Variants in RUNX2 observed in about 807,000 individuals in gnomAD.
RUNX2 encodes the protein RUNX family transcription factor 2, also known as runt-related transcription factor 2.
RUNX2 carries 10 observed loss-of-function variants against 51.7 expected under a neutral mutation model. The observed-to-expected ratio is 0.19, with a 90% CI of 0.12 to 0.33. RUNX2 has a LOEUF of 0.33. Ranked by LOEUF, RUNX2 falls within the 10% of genes least tolerant of loss-of-function variation. The probability of loss-of-function intolerance (pLI) is 1.00; values close to 1 mark genes in which losing one functional copy is unlikely to be tolerated. For missense variants in RUNX2, 562 were observed against 691.3 expected (o/e 0.81, Z 2.10); for synonymous variants, 276 against 273.6 (o/e 1.01, Z -0.09).
intron 5 of RUNX2, among the ~76,000 whole-genome samples, chr6:45,489,704 G>C (rs577303622): frequency 3.3e-5 from 5 of 152,146 alleles, no homozygotes; most frequent in Admixed American, 1.3e-4. Flanking sequence ...GTGCATGTGT[G>C]TGTCTGTGTG....
chr6:45,335,770 C>T (rs1180320285), intron 2 of RUNX2, among the ~76,000 whole-genome samples: 1 of 151,158 alleles, frequency 6.6e-6, no homozygotes, highest in Non-Finnish European at 1.5e-5. Flanking sequence ...ATCAAGACAA[C>T]AGCATCTTAA....
intron 6 of RUNX2, among the ~76,000 whole-genome samples, chr6:45,504,472 T>C (rs915685633): frequency 3.3e-5 from 5 of 152,210 alleles, no homozygotes; most frequent in African/African-American, 1.2e-4. Context: ...TCTAGGGCTC[T>C]TCCTATGCTT....
intron 2 of RUNX2, among the ~76,000 whole-genome samples, chr6:45,348,512 C>CAAAAAAAAAAAAAAAAA (rs754208599): frequency 4.5e-5 from 5 of 110,360 alleles, no homozygotes; most frequent in African/African-American, 1.5e-4. Flanking sequence ...ACTAAAAATA[C>CAAAAAAAAAAAAAAAAA]AAAAAAAAAA....
chr6:45,430,214 CAT>C (rs1798504254), intron 3 of RUNX2, among the ~76,000 whole-genome samples: 1 of 152,098 alleles, frequency 6.6e-6, no homozygotes, highest in African/African-American at 2.4e-5. Context: ...TTTCCTAACT[CAT>C]ATAATCTGGA....
rs958275188 is a variant in RUNX2 at position 45,444,129 on chromosome 6, C to T, written c.685+6078C>T. 6.6e-5 allele frequency among the ~76,000 whole-genome samples: 10 copies of T among 152,160 alleles called. 1 individual carries two copies. Among genetic ancestry groups the T allele is most frequent in the African/African-American group, 2.2e-4 (9 of 41,434 alleles). On this transcript the variant is annotated intron_variant, in intron 5 of 8. Coordinates refer to ENST00000647337, the MANE Select transcript of RUNX2 (RefSeq NM_001024630.4). ...CCTCCCAAAGTGCTGGGATTACAGG[C>T]GTGAGCCACTGCGCCTGGCCAAGAT...
chr6:45,397,646 A>G (rs1797612693), intron 2 of RUNX2, among the ~76,000 whole-genome samples: 1 of 152,188 alleles, frequency 6.6e-6, no homozygotes, highest in African/African-American at 2.4e-5. Context: ...ACTTATTAGT[A>G]TTTCAAAAAT....
intron 2 of RUNX2, among the ~76,000 whole-genome samples, chr6:45,415,875 C>T (rs141816479): frequency 6.6e-6 from 1 of 152,124 alleles, no homozygotes; most frequent in East Asian, 1.9e-4. Context: ...ATAACTGGCA[C>T]ACCTAGGGAA....
intron 2 of RUNX2, among the ~76,000 whole-genome samples, chr6:45,359,990 T>C (rs1418947248): frequency 6.6e-6 from 1 of 152,162 alleles, no homozygotes; most frequent in Non-Finnish European, 1.5e-5. Flanking sequence ...AGCAATCAAC[T>C]GAAAAAACAT....
chr6:45,500,616 G>A (rs547016137), intron 6 of RUNX2, among the ~76,000 whole-genome samples: 1 of 152,302 alleles, frequency 6.6e-6, no homozygotes, highest in African/African-American at 2.4e-5. Flanking sequence ...GAAGGTGTAG[G>A]GGGAAAGATT....
intron 7 of RUNX2, among the ~76,000 whole-genome samples, chr6:45,528,071 C>T (rs1378973833): frequency 1.3e-5 from 2 of 152,078 alleles, no homozygotes; most frequent in Non-Finnish European, 2.9e-5. Flanking sequence ...GTACAGGGGG[C>T]AGGGGAACTC....
chr6:45,345,196 G>A (rs1790596049), intron 2 of RUNX2, among the ~76,000 whole-genome samples: 1 of 152,078 alleles, frequency 6.6e-6, no homozygotes, highest in African/African-American at 2.4e-5. Flanking sequence ...TCAAAGATAA[G>A]CTATTACAAT....
At chr6:45,539,396 G>T (rs1216003059) in intron 7 of RUNX2, among the ~76,000 whole-genome samples, 1 of 152,162 alleles carries the variant, frequency 6.6e-6, no homozygotes, top group Non-Finnish European at 1.5e-5. Context: ...AAAGAATGGA[G>T]TTTGCTGGTC....
chr6:45,473,993 G>C (rs909275230), intron 5 of RUNX2, among the ~76,000 whole-genome samples: 2 of 152,186 alleles, frequency 1.3e-5, no homozygotes, highest in African/African-American at 4.8e-5. Flanking sequence ...GTAAATGTCT[G>C]AATTATTATC....
intron 3 of RUNX2, among the ~76,000 whole-genome samples, chr6:45,429,321 G>A (rs1798472283): frequency 6.6e-6 from 1 of 152,176 alleles, no homozygotes; most frequent in Non-Finnish European, 1.5e-5. Flanking sequence ...CACGCAGCAG[G>A]TGTTAAAATA....
chr6:45,415,392 C>G (rs1197065088), intron 2 of RUNX2, among the ~76,000 whole-genome samples: 1 of 152,218 alleles, frequency 6.6e-6, no homozygotes, highest in Non-Finnish European at 1.5e-5. Context: ...AGACCCTGCA[C>G]AGCCTTGGCT....
At chr6:45,386,541 T>A (rs1450226972) in intron 2 of RUNX2, among the ~76,000 whole-genome samples, 2 of 152,198 alleles carry the variant, frequency 1.3e-5, no homozygotes, top group Non-Finnish European at 2.9e-5. Context: ...AGATAACTTC[T>A]CTGAACCTCA....
chr6:45,380,800 C>G (rs184650002), intron 2 of RUNX2, among the ~76,000 whole-genome samples: 1 of 152,306 alleles, frequency 6.6e-6, no homozygotes, highest in East Asian at 1.9e-4. Flanking sequence ...TGGTCTCAAA[C>G]TCCTGACCTT....
At chr6:45,350,189 TTG>T (rs1791728713) in intron 2 of RUNX2, among the ~76,000 whole-genome samples, 1 of 152,220 alleles carries the variant, frequency 6.6e-6, no homozygotes, top group South Asian at 2.1e-4. Context: ...ATTAAGGATT[TTG>T]TGTTTGTTTT....
At chr6:45,514,360 C>G (rs1402106374) in intron 7 of RUNX2, among the ~76,000 whole-genome samples, 1 of 152,184 alleles carries the variant, frequency 6.6e-6, no homozygotes, top group Non-Finnish European at 1.5e-5. Context: ...CAGTACCTTT[C>G]CCATTTCACA....
Sources: gnomAD v4.1 joint callset for allele counts (sites outside exome capture counted in the v4.1 genomes callset) on GRCh38, gnomAD v4.1.1 for gene constraint, MANE v1.5 for transcripts, NCBI Gene and HGNC (gene_info 2026-07-23, HGNC 2026-07-21) for gene names.